TRIM66: variants seen among roughly 807,000 people sequenced by gnomAD.
TRIM66 encodes tripartite motif containing 66, also known as tripartite motif-containing protein 66.
Under a neutral mutation model 148.2 loss-of-function variants are expected in TRIM66, and 99 were observed. The observed-to-expected ratio is 0.67, with a 90% CI of 0.57 to 0.79. The LOEUF (loss-of-function observed/expected upper bound fraction) is 0.79. Among genes scored for constraint, TRIM66 ranks in the 30% least tolerant of loss-of-function variants. The pLI, the probability that TRIM66 is intolerant of heterozygous loss-of-function variation, is 0.00. For missense variants in TRIM66, 1,666 were observed against 1,697.9 expected (o/e 0.98, Z 0.33); for synonymous variants, 616 against 635.9 (o/e 0.97, Z 0.47).
At chr11:8,678,425 T>C (rs1451432397) in intron 3 of TRIM66, among the ~76,000 whole-genome samples, 1 of 152,228 alleles carries the variant, frequency 6.6e-6, no homozygotes, top group Non-Finnish European at 1.5e-5. Flanking sequence ...TATACTATGA[T>C]CACTAACTTT....
intron 13 of TRIM66, 62 bp from the exon 14 acceptor site, chr11:8,641,214 C>T (rs2036362186): frequency 1.4e-6 from 2 of 1,421,288 alleles, no homozygotes; most frequent in South Asian, 1.4e-5. Context: ...CTTGCTACTT[C>T]CTGCTCCTGG....
At chr11:8,636,762 T>A (rs2035916307) in intron 15 of TRIM66, among the ~76,000 whole-genome samples, 1 of 152,142 alleles carries the variant, frequency 6.6e-6, no homozygotes, top group African/African-American at 2.4e-5. Context: ...GCTAAAGTGG[T>A]CTTTCAAACT....
rs2033712508 is a variant in TRIM66, at chr11:8,616,249, A to G, written c.*1695T>C. 6.6e-6 allele frequency: 1 copy of G among 152,254 alleles called. No individual in the cohort carries two copies. Among genetic ancestry groups the G allele is most frequent in the Non-Finnish European group, 1.5e-5 (1 of 68,054 alleles). 9.4% of individuals were successfully genotyped at this position (152,254 alleles called of 1,614,324 possible). A position where few individuals can be genotyped will look rare whatever the true frequency, so the allele number is the denominator to read the frequency against. On this transcript the variant is annotated 3_prime_UTR_variant, in exon 25 of 25. Coordinates refer to ENST00000646038, the MANE Select transcript of TRIM66 (RefSeq NM_001388022.1). ...CATGGTTTGCTTTAAAGTGAAGATGATCTCTCAGGTTGGGTAGAGAAGGAA... is the reference window on the plus strand; with the variant it reads ...CATGGTTTGCTTTAAAGTGAAGATGGTCTCTCAGGTTGGGTAGAGAAGGAA...
At chr11:8,623,963 C>A (rs10160373) in intron 17 of TRIM66, among the ~76,000 whole-genome samples, 1 of 152,052 alleles carries the variant, frequency 6.6e-6, no homozygotes, top group Non-Finnish European at 1.5e-5. Context: ...GTATCTTACC[C>A]GGGATCACAG....
chr11:8,627,795 AC>A (rs1473848496), intron 15 of TRIM66, among the ~76,000 whole-genome samples: 1 of 152,174 alleles, frequency 6.6e-6, no homozygotes, highest in Non-Finnish European at 1.5e-5. Flanking sequence ...TTTTCTGTGC[AC>A]ACAAATCATG....
chr11:8,643,083 G>A lies in TRIM66; in HGVS notation c.1148C>T (p.Thr383Ile). Residue 383 changes from threonine (T) to isoleucine (I), a missense_variant, in exon 13 of 25, where the codon ACA (threonine) becomes ATA (isoleucine). Physicochemically the swap from Thr to Ile is moderately conservative, Grantham distance 89. Coordinates refer to ENST00000646038, the MANE Select transcript of TRIM66 (RefSeq NM_001388022.1). ...GATACTCCAAGGGGAGCCAGGATCT[G>A]TGTTACAACTTGTCTCCAGCAATCG... The part of the protein sequence containing the change: ...MQRLLETSCN[T>I]DPGSPWSIRF... The A allele has an allele frequency of 1.9e-6, 3 of 1,551,334 alleles. No homozygotes were observed. The highest frequency in any genetic ancestry group is 2.6e-6 in the Non-Finnish European group (3 of 1,146,860).
At chr11:8,650,858 CAG>C (rs2037298686) in intron 7 of TRIM66, among the ~76,000 whole-genome samples, 1 of 152,164 alleles carries the variant, frequency 6.6e-6, no homozygotes, top group Non-Finnish European at 1.5e-5. Context: ...CAATGTGCTT[CAG>C]AGAGGAGAAA....
intron 15 of TRIM66, among the ~76,000 whole-genome samples, chr11:8,636,363 G>T (rs1276322083): frequency 6.6e-6 from 1 of 151,968 alleles, no homozygotes; most frequent in African/African-American, 2.4e-5. Flanking sequence ...CAGGCAAGAA[G>T]AACCCATCAG....
chr11:8,620,099 A>T lies in TRIM66; in HGVS notation c.3698T>A (p.Leu1233Ter), dbSNP rs2034063331. Residue 1233 changes from leucine to a stop codon, truncating the protein, a stop_gained, in exon 22 of 25, where the codon TTG becomes TAG. Transcript: ENST00000646038. LOFTEE classifies it high-confidence loss of function. ...GGGCAGGCTGAGGTTATTGCAGCAC[A>T]AGGACAATACCAGCTTCTCACACTT... is the stretch of plus-strand genomic sequence containing the variant. ...QKKCEKLVLS[L>*]CCNNLSLPFH... The T allele has an allele frequency of 6.4e-7, 1 of 1,551,616 alleles. No individual in the cohort carries two copies. Among genetic ancestry groups the T allele is most frequent in the Admixed American group, 2.0e-5 (1 of 50,986 alleles).
At chr11:8,658,821 G>T (rs2038052139) in intron 6 of TRIM66, 7 of 985,088 alleles carry the variant, frequency 7.1e-6, no homozygotes, top group Non-Finnish European at 8.4e-6. Context: ...GCCTTCAACA[G>T]ACATTGAAAT....
At chr11:8,627,905 G>A (rs1284206063) in intron 15 of TRIM66, among the ~76,000 whole-genome samples, 1 of 152,192 alleles carries the variant, frequency 6.6e-6, no homozygotes, top group African/African-American at 2.4e-5. Context: ...GCTCACTGCA[G>A]CCTTGACCTC....
Position 8,624,370 on chromosome 11 carries a change from T to C in TRIM66, c.3008A>G (p.Gln1003Arg), listed in dbSNP as rs1262060555. ...VSTSTALQQY[Q>R]NPKECENFEQ... ...TGCTTGAGTCTCACCTTTTGGGTTCTGGTACTGCTGCAGAGCTGTAGACGT... is the reference window on the plus strand; with the variant it reads ...TGCTTGAGTCTCACCTTTTGGGTTCCGGTACTGCTGCAGAGCTGTAGACGT... Residue 1003 changes from glutamine (Q) to arginine (R), a missense_variant, in exon 17 of 25, where the codon CAG becomes CGG. Coordinates refer to ENST00000646038, the MANE Select transcript of TRIM66 (RefSeq NM_001388022.1). 3 of 1,550,820 alleles carry C rather than the reference T, an allele frequency of 1.9e-6. No individual in the cohort carries two copies. The highest frequency in any genetic ancestry group is 2.6e-6 in the Non-Finnish European group (3 of 1,146,778).
rs1250225606 is a variant in TRIM66, at chr11:8,649,809, T to C, written c.523A>G (p.Thr175Ala). Residue 175 changes from threonine (T) to alanine (A), a missense_variant, in exon 8 of 25, where the codon ACA becomes GCA. Transcript: ENST00000646038. ...ACAGGGCTGTGTCGGTGTTCCTCTGTGCAAGAGCTGCACAGCCAGCGATTG... is the reference window on the plus strand; with the variant it reads ...ACAGGGCTGTGTCGGTGTTCCTCTGCGCAAGAGCTGCACAGCCAGCGATTG... ...YCNRWLCSSC[T>A]EEHRHSPVPG... 1.9e-6 allele frequency: 3 copies of C among 1,551,700 alleles called. No homozygotes were observed. Among genetic ancestry groups the C allele is most frequent in the Admixed American group, 2.0e-5 (1 of 51,006 alleles).
intron 7 of TRIM66, among the ~76,000 whole-genome samples, chr11:8,651,374 G>T (rs748566564): frequency 1.2e-4 from 19 of 152,078 alleles, no homozygotes; most frequent in Non-Finnish European, 2.5e-4. Context: ...GGTGATAGTT[G>T]TTAAATACAG....
intron 6 of TRIM66, among the ~76,000 whole-genome samples, chr11:8,653,359 T>C (rs2037529612): frequency 6.6e-6 from 1 of 152,256 alleles, no homozygotes; most frequent in African/African-American, 2.4e-5. Flanking sequence ...TTTCCAAGCC[T>C]AGACCTCAGT....
upstream of TRIM66, chr11:8,682,914 G>A: frequency 6.9e-7 from 1 of 1,439,646 alleles, no homozygotes; most frequent in Non-Finnish European, 9.4e-7. Context: ...CATGGTCGGG[G>A]CTTCCAGGCT....
At chr11:8,646,649 A>T (rs2036872828) in intron 10 of TRIM66, 88 bp from the exon 11 acceptor site, 2 of 1,042,572 alleles carry the variant, frequency 1.9e-6, no homozygotes, top group Non-Finnish European at 2.9e-6. Flanking sequence ...ACCAACTTGG[A>T]GGCTGCCTAC....
chr11:8,667,442 G>A (rs1432387938), intron 6 of TRIM66, among the ~76,000 whole-genome samples: 3 of 152,136 alleles, frequency 2.0e-5, no homozygotes, highest in African/African-American at 4.8e-5. Flanking sequence ...GAAAATATTT[G>A]CAAATCATAT....
At chr11:8,683,056 C>T (rs1021669113), upstream of TRIM66, 32 of 924,484 alleles carry the variant, frequency 3.5e-5, no homozygotes, top group Non-Finnish European at 2.0e-5. Flanking sequence ...GACCTCACGG[C>T]CCTGAGCGGA....
Sources: allele counts gnomAD v4.1 joint callset (sites outside exome capture counted in the v4.1 genomes callset), GRCh38; gene constraint gnomAD v4.1.1; transcripts MANE v1.5; gene names NCBI Gene and HGNC (gene_info 2026-07-23, HGNC 2026-07-21).